PLXNA1: variants seen among roughly 807,000 people sequenced by gnomAD.
PLXNA1 encodes plexin-A1.
Under a neutral mutation model 191.7 loss-of-function variants are expected in PLXNA1, and 77 were observed. The ratio of observed to expected loss-of-function variants is 0.40; its 90% CI spans 0.33 to 0.49. PLXNA1 has a LOEUF of 0.49. Ranked by LOEUF, PLXNA1 falls within the 20% of genes least tolerant of loss-of-function variation. The probability of loss-of-function intolerance (pLI) is 0.63; values close to 1 mark genes in which losing one functional copy is unlikely to be tolerated. For missense variants in PLXNA1, 2,110 were observed against 2,660.2 expected (o/e 0.79, Z 4.55); for synonymous variants, 1,137 against 1,156.4 (o/e 0.98, Z 0.34).
At chr3:127,023,677 C>T (rs1202655932) in intron 23 of PLXNA1, among the ~76,000 whole-genome samples, 1 of 152,232 alleles carries the variant, frequency 6.6e-6, no homozygotes, top group Non-Finnish European at 1.5e-5. Flanking sequence ...CTCCTGCAGC[C>T]AGATGCTGCT....
At chr3:127,015,139 A>AG in intron 14 of PLXNA1, 45 bp from the exon 15 acceptor site, 1 of 1,583,388 alleles carries the variant, frequency 6.3e-7, no homozygotes, top group East Asian at 2.2e-5. Flanking sequence ...ATGTGGCCCG[A>AG]GGGGGACTTT....
intron 29 of PLXNA1, among the ~76,000 whole-genome samples, chr3:127,030,729 A>G (rs1262689884): frequency 3.9e-5 from 6 of 152,216 alleles, no homozygotes; most frequent in Non-Finnish European, 8.8e-5. Context: ...GAAACAGGGC[A>G]CAGTGGACCA....
rs141186886 is a variant in PLXNA1, at chr3:127,017,816, C to T, written c.3584C>T (p.Thr1195Ile). 104 of 1,613,026 alleles carry T rather than the reference C, an allele frequency of 6.4e-5. No homozygotes were observed. Among genetic ancestry groups the T allele is most frequent in the Non-Finnish European group, 8.5e-5 (100 of 1,180,028 alleles). The change falls in exon 19 of 32, where the codon ACA (threonine) becomes ATA (isoleucine). Residue 1195 changes from threonine (T) to isoleucine (I), a missense_variant. Transcript: ENST00000393409. ...RLNYTVLIGS[T>I]PCTLTVSETQ... ...AACTACACGGTGCTCATCGGCTCCA[C>T]ACCCTGTACCCTCACCGTGTCGGAG...
Position 126,989,277 on chromosome 3 carries a change from G to A in PLXNA1, c.684G>A (p.Gln228=), listed in dbSNP as rs2078977360. ...FVYQDEFVSS[Q]LKIPSDTLSK... is the part of the protein sequence containing the mutation. Reference sequence around the variant, plus strand: ...ACCAGGATGAGTTTGTGTCATCACAGCTCAAGATCCCTTCGGACACGCTGT... The same window carrying A: ...ACCAGGATGAGTTTGTGTCATCACAACTCAAGATCCCTTCGGACACGCTGT... The change falls in exon 2 of 32, where the codon CAG becomes CAA. Residue 228 remains glutamine, a synonymous_variant. Transcript: ENST00000393409. 1 of 1,613,578 alleles carries A rather than the reference G, an allele frequency of 6.2e-7. No homozygotes were observed. Among genetic ancestry groups the A allele is most frequent in the African/African-American group, 1.3e-5 (1 of 74,952 alleles).
chr3:126,987,635 G>T (rs1251202251), intron 1 of PLXNA1, among the ~76,000 whole-genome samples: 1 of 152,198 alleles, frequency 6.6e-6, no homozygotes, highest in Non-Finnish European at 1.5e-5. Context: ...AGTGCAGGGA[G>T]CACCTGCCAG....
intron 9 of PLXNA1, among the ~76,000 whole-genome samples, chr3:127,008,879 G>A (rs1343063910): frequency 3.3e-5 from 5 of 152,224 alleles, no homozygotes; most frequent in Non-Finnish European, 2.9e-5. Flanking sequence ...GCACAGGACA[G>A]CGGTGGAGGG....
intron 3 of PLXNA1, among the ~76,000 whole-genome samples, chr3:126,998,577 G>A (rs1168087948): frequency 6.6e-6 from 1 of 152,218 alleles, no homozygotes; most frequent in Admixed American, 6.5e-5. Context: ...CACCAGCTGG[G>A]TGCTAGGTTC....
intron 23 of PLXNA1, among the ~76,000 whole-genome samples, chr3:127,024,263 T>A (rs575126173): frequency 2.0e-5 from 3 of 152,164 alleles, no homozygotes; most frequent in African/African-American, 7.2e-5. Context: ...GGGTGTGGAT[T>A]CTCTTTCATG....
intron 19 of PLXNA1, 104 bp downstream of exon 19, chr3:127,017,996 C>T: frequency 6.8e-7 from 1 of 1,474,286 alleles, no homozygotes; most frequent in South Asian, 1.3e-5. Flanking sequence ...GAGACTCACC[C>T]CTAGCTCAGA....
In PLXNA1 at chr3:126,983,660, C is replaced by CG. The variant is rs2078942888; in HGVS notation, c.-74+379dup. On this transcript the variant is annotated intron_variant, in intron 1 of 31. Transcript: ENST00000393409. Reference sequence around the variant, plus strand: ...GAGCCCCGCGGCAGCTCCGGGGTGGCGGGGGGCGGGCGCTGCCCCTCCACG... The same window carrying CG: ...GAGCCCCGCGGCAGCTCCGGGGTGGCGGGGGGGCGGGCGCTGCCCCTCCACG... 1.0e-4 allele frequency among the ~76,000 whole-genome samples: 15 copies of CG among 150,334 alleles called. No individual in the cohort carries two copies. In the South Asian group the frequency reaches 2.1e-3, roughly 21 times the overall value.
chr3:126,991,440 C>T lies in PLXNA1; in HGVS notation c.1251C>T (p.Gly417=), dbSNP rs571548852. The change falls in exon 3 of 32, where the codon GGC becomes GGT. Residue 417 remains glycine, a synonymous_variant. Coordinates refer to ENST00000393409, the MANE Select transcript of PLXNA1 (RefSeq NM_032242.4). The stretch of plus-strand genomic sequence containing the variant: ...AGGACTTCAACCAGCCCCTGGGGGG[C>T]ACAGTCACCATTGAGGGGACGCCCC... ...CGQDFNQPLG[G]TVTIEGTPLF... The T allele has an allele frequency of 3.1e-6, 5 of 1,612,912 alleles. No homozygotes were observed. Among genetic ancestry groups the T allele is most frequent in the Admixed American group, 3.3e-5 (2 of 60,004 alleles).
intron 3 of PLXNA1, among the ~76,000 whole-genome samples, chr3:126,992,586 A>C (rs2107621744): frequency 6.6e-6 from 1 of 151,762 alleles, no homozygotes; most frequent in African/African-American, 2.4e-5. Context: ...CTGCAGCCTC[A>C]GCTTCCCTCT....
intron 3 of PLXNA1, among the ~76,000 whole-genome samples, chr3:126,997,377 G>A (rs377693199): frequency 2.0e-5 from 3 of 152,206 alleles, no homozygotes; most frequent in African/African-American, 7.2e-5. Flanking sequence ...CTGTGGCAGT[G>A]CCCGGCAGCA....
In PLXNA1 at chr3:127,006,173, C is replaced by G; in HGVS notation, c.1992C>G (p.His664Gln). 2 of 1,612,962 alleles carry G rather than the reference C, an allele frequency of 1.2e-6. No homozygotes were observed. Among genetic ancestry groups the G allele is most frequent in the Non-Finnish European group, 1.7e-6 (2 of 1,179,422 alleles). Residue 664 changes from histidine (H) to glutamine (Q), a missense_variant, in exon 8 of 32, where the codon CAC (histidine) becomes CAG (glutamine). By Grantham distance (24) the His-to-Gln change is conservative. This residue lies in a region of PLXNA1 where 903 missense variants were observed against 1,015.7 expected (regional missense o/e 0.89). Coordinates refer to ENST00000393409, the MANE Select transcript of PLXNA1 (RefSeq NM_032242.4). ...TCGTCTTCTACAACTGCAGCGTCCACCAGTCGTGAGTGTCTCTAGGCCCCT... is the reference window on the plus strand; with the variant it reads ...TCGTCTTCTACAACTGCAGCGTCCAGCAGTCGTGAGTGTCTCTAGGCCCCT... ...VDFVFYNCSVHQSCLSCVNGS... is the reference protein window; with the variant it reads ...VDFVFYNCSVQQSCLSCVNGS...
chr3:127,013,946 G>C, intron 10 of PLXNA1, 74 bp from the exon 11 acceptor site: 2 of 1,357,090 alleles, frequency 1.5e-6, no homozygotes, highest in Non-Finnish European at 2.1e-6. Flanking sequence ...CGCCCTGGTG[G>C]CTTTGTGGGC....
intron 9 of PLXNA1, among the ~76,000 whole-genome samples, chr3:127,010,761 G>A (rs1407235021): frequency 1.3e-5 from 2 of 152,164 alleles, no homozygotes; most frequent in Admixed American, 6.5e-5. Context: ...TCGTGCTACC[G>A]GCCAAGAGGT....
intron 8 of PLXNA1, 69 bp downstream of exon 8, chr3:127,006,247 C>A: frequency 8.2e-7 from 1 of 1,219,044 alleles, no homozygotes; most frequent in Non-Finnish European, 1.2e-6. Context: ...CCCTGTGGTC[C>A]CACTGTGCTT....
chr3:127,032,251 C>A, intron 29 of PLXNA1, 136 bp from the exon 30 acceptor site: 1 of 827,868 alleles, frequency 1.2e-6, no homozygotes, highest in Admixed American at 2.6e-5. Flanking sequence ...ATGGGCCCTG[C>A]ACCTCTGTGG....
intron 9 of PLXNA1, 65 bp downstream of exon 9, chr3:127,007,978 C>A: frequency 1.8e-6 from 2 of 1,103,942 alleles, no homozygotes; most frequent in South Asian, 1.4e-5. Flanking sequence ...TGAGACATCC[C>A]ATCTGGGTGT....
Sources: allele counts gnomAD v4.1 joint callset (sites outside exome capture counted in the v4.1 genomes callset), GRCh38; gene constraint gnomAD v4.1.1; regional missense constraint gnomAD v4.1.1; transcripts MANE v1.5; gene names NCBI Gene and HGNC (gene_info 2026-07-23, HGNC 2026-07-21).